The following SETBP1 variants were observed in gnomAD, a reference collection of about 807,000 sequenced individuals.
SETBP1 encodes the protein SET-binding protein.
In SETBP1, 9 loss-of-function variants were observed where a neutral mutation model predicts 101.0. The ratio of observed to expected loss-of-function variants is 0.09; its 90% confidence interval spans 0.05 to 0.16. The LOEUF is 0.16. SETBP1 is among the 10% of genes least tolerant of loss of function. The pLI, the probability that SETBP1 is intolerant of heterozygous loss-of-function variation, is 1.00. For missense variants in SETBP1, 1,858 were observed against 2,033.8 expected (o/e 0.91, Z 1.66); for synonymous variants, 818 against 788.5 (o/e 1.04, Z -0.63).
At chr18:44,724,963 C>T (rs1370861841) in intron 2 of SETBP1, among the ~76,000 whole-genome samples, 1 of 152,088 alleles carries the variant, frequency 6.6e-6, no homozygotes, top group Non-Finnish European at 1.5e-5. Flanking sequence ...GTGCAGAGTT[C>T]AAGGAGCTGT....
At chr18:44,833,723 C>T (rs917323203) in intron 2 of SETBP1, among the ~76,000 whole-genome samples, 1 of 152,212 alleles carries the variant, frequency 6.6e-6, no homozygotes, top group African/African-American at 2.4e-5. Context: ...TGCTGCATTT[C>T]CTGGCTCAGA....
chr18:44,738,673 C>T (rs1163435589), intron 2 of SETBP1, among the ~76,000 whole-genome samples: 1 of 150,920 alleles, frequency 6.6e-6, no homozygotes, highest in East Asian at 2.0e-4. Flanking sequence ...CCTCAGGAGG[C>T]TGAGCCAGGA....
intron 5 of SETBP1, among the ~76,000 whole-genome samples, chr18:45,057,048 C>T (rs1208769983): frequency 2.0e-5 from 3 of 152,106 alleles, no homozygotes; most frequent in Non-Finnish European, 4.4e-5. Flanking sequence ...AGAGTGAAAA[C>T]ACCATCATAT....
chr18:44,975,885 G>A (rs2071974349), intron 4 of SETBP1, among the ~76,000 whole-genome samples: 1 of 152,178 alleles, frequency 6.6e-6, no homozygotes, highest in Admixed American at 6.5e-5. Flanking sequence ...AAAGCTCAGA[G>A]GGTTAAGTGT....
chr18:44,740,567 C>T (rs2070074433), intron 2 of SETBP1, among the ~76,000 whole-genome samples: 2 of 152,270 alleles, frequency 1.3e-5, no homozygotes, highest in South Asian at 4.1e-4. Context: ...GAAAGCCTTT[C>T]TAGGTTAAGG....
At chr18:44,977,594 C>T (rs939121531) in intron 4 of SETBP1, among the ~76,000 whole-genome samples, 13 of 152,350 alleles carry the variant, frequency 8.5e-5, no homozygotes, top group Admixed American at 5.2e-4. Flanking sequence ...ACTTTCTAAC[C>T]TTAATTGTCT....
chr18:44,982,275 A>G (rs2072130988), intron 4 of SETBP1, among the ~76,000 whole-genome samples: 2 of 152,358 alleles, frequency 1.3e-5, no homozygotes, highest in African/African-American at 4.8e-5. Flanking sequence ...AAGCAAGCAT[A>G]TGGCAGAGTG....
chr18:45,004,334 C>A (rs967318258), intron 4 of SETBP1, among the ~76,000 whole-genome samples: 2 of 152,126 alleles, frequency 1.3e-5, no homozygotes, highest in Non-Finnish European at 2.9e-5. Context: ...TTTTTTACAC[C>A]GATGGTTGGC....
chr18:44,698,896 C>T (rs1338830664), intron 1 of SETBP1, among the ~76,000 whole-genome samples: 1 of 151,636 alleles, frequency 6.6e-6, no homozygotes, highest in Non-Finnish European at 1.5e-5. Flanking sequence ...TTTTAAGTTT[C>T]AGAACTTTGT....
chr18:44,965,996 G>A (rs1261357092), intron 4 of SETBP1, among the ~76,000 whole-genome samples: 1 of 152,130 alleles, frequency 6.6e-6, no homozygotes, highest in Non-Finnish European at 1.5e-5. Flanking sequence ...TTTCATTTCA[G>A]TGATCCTTTG....
intron 3 of SETBP1, among the ~76,000 whole-genome samples, chr18:44,906,809 C>T (rs1208827412): frequency 6.6e-6 from 1 of 152,074 alleles, no homozygotes; most frequent in Non-Finnish European, 1.5e-5. Flanking sequence ...ATTGTATGAC[C>T]TTGATAATGC....
chr18:44,811,922 A>T (rs891354898), intron 2 of SETBP1, among the ~76,000 whole-genome samples: 1 of 152,222 alleles, frequency 6.6e-6, no homozygotes, highest in Admixed American at 6.5e-5. Context: ...CCTGTGTGGC[A>T]GCTTTTCTGA....
At chr18:44,800,090 C>T (rs1306209088) in intron 2 of SETBP1, among the ~76,000 whole-genome samples, 1 of 152,060 alleles carries the variant, frequency 6.6e-6, no homozygotes, top group Non-Finnish European at 1.5e-5. Context: ...CCTTAGGAAC[C>T]AGGTGTGTGA....
At chr18:45,006,930 A>G (rs1476500924) in intron 4 of SETBP1, among the ~76,000 whole-genome samples, 2 of 152,220 alleles carry the variant, frequency 1.3e-5, no homozygotes, top group Non-Finnish European at 2.9e-5. Flanking sequence ...GATCAGAAGT[A>G]CAATGCAGAG....
At chr18:44,748,102 T>C (rs773991167) in intron 2 of SETBP1, among the ~76,000 whole-genome samples, 1 of 151,978 alleles carries the variant, frequency 6.6e-6, no homozygotes, top group African/African-American at 2.4e-5. Context: ...ACCAACTCCA[T>C]TGAGTGTCAC....
chr18:44,796,618 C>T (rs760501223), intron 2 of SETBP1, among the ~76,000 whole-genome samples: 1 of 152,176 alleles, frequency 6.6e-6, no homozygotes, highest in Non-Finnish European at 1.5e-5. Context: ...TAGTCTGAGG[C>T]CCAGGGAGTG....
At chr18:44,926,961 G>A (rs1324749112) in intron 3 of SETBP1, among the ~76,000 whole-genome samples, 1 of 152,146 alleles carries the variant, frequency 6.6e-6, no homozygotes, top group Non-Finnish European at 1.5e-5. Flanking sequence ...GGCTTTATGA[G>A]GGTGCTTTTC....
chr18:44,687,299 G>A (rs1192361376), intron 1 of SETBP1, among the ~76,000 whole-genome samples: 1 of 152,184 alleles, frequency 6.6e-6, no homozygotes, highest in Non-Finnish European at 1.5e-5. Context: ...ATAGCTAGAG[G>A]TGTCCTAGGA....
In SETBP1 at chr18:45,065,240, G is replaced by A. The variant is rs984660691; in HGVS notation, c.*1542G>A. The A allele has an allele frequency of 2.0e-5, 3 of 152,186 alleles. No homozygotes were observed. The highest frequency in any genetic ancestry group is 4.4e-5 in the Non-Finnish European group (3 of 68,040). 9.4% of individuals were successfully genotyped at this position (152,186 alleles called of 1,614,324 possible). A position where few individuals can be genotyped will look rare whatever the true frequency, so the allele number is the denominator to read the frequency against. ...TATGAAGAATTCCATTTCCGTAGAT[G>A]TTTTCTAAAAGTCAGATTGTGGAAA... On this transcript the variant is annotated 3_prime_UTR_variant, in exon 6 of 6. Coordinates refer to ENST00000649279, the MANE Select transcript of SETBP1 (RefSeq NM_015559.3).
Sources: gnomAD v4.1 joint callset for allele counts (sites outside exome capture counted in the v4.1 genomes callset) on GRCh38, gnomAD v4.1.1 for gene constraint, MANE v1.5 for transcripts, NCBI Gene and HGNC (gene_info 2026-07-23, HGNC 2026-07-21) for gene names.